Variants in ENTPD7 observed in about 807,000 individuals in gnomAD.
ENTPD7 encodes the protein NTPDase 7.
Under a neutral mutation model 77.9 loss-of-function variants are expected in ENTPD7, and 53 were observed. The ratio of observed to expected loss-of-function variants is 0.68; its 90% CI spans 0.55 to 0.85. The LOEUF (loss-of-function observed/expected upper bound fraction) is 0.85. Ranked by LOEUF, ENTPD7 falls within the 40% of genes least tolerant of loss-of-function variation. ENTPD7 has a pLI of 0.00. For missense variants in ENTPD7, 636 were observed against 743.7 expected, an observed-to-expected ratio of 0.86 and a Z score of 1.68; for synonymous variants, 248 against 274.9, an observed-to-expected ratio of 0.90 and a Z score of 0.97.
Position 99,708,604 on chromosome 10 carries a change from T to G in ENTPD7, c.*3921T>G, listed in dbSNP as rs947299904. On this transcript the variant is annotated 3_prime_UTR_variant, in exon 13 of 13. Coordinates refer to ENST00000370489, the MANE Select transcript of ENTPD7 (RefSeq NM_020354.5). Reference sequence around the variant, plus strand: ...TCATATGATTTTGGGAAGAGCATTTTGTCCTTTGGTTTAGAAGACCAGGCT... The same window carrying G: ...TCATATGATTTTGGGAAGAGCATTTGGTCCTTTGGTTTAGAAGACCAGGCT... 1 of 155,434 alleles carries G rather than the reference T, an allele frequency of 6.4e-6. No individual in the cohort carries two copies. The highest frequency in any genetic ancestry group is 1.4e-5 in the Non-Finnish European group (1 of 70,966). 9.6% of individuals were successfully genotyped at this position (155,434 alleles called of 1,614,324 possible).
chr10:99,661,483 T>C lies in ENTPD7; in HGVS notation c.46T>C (p.Phe16Leu), dbSNP rs1325261360. 1 of 1,611,926 alleles carries C rather than the reference T, an allele frequency of 6.2e-7. No individual in the cohort carries two copies. Among genetic ancestry groups the C allele is most frequent in the Admixed American group, 1.7e-5 (1 of 59,516 alleles). The change falls in exon 3 of 13, where the codon TTC (phenylalanine) becomes CTC (leucine). Residue 16 changes from phenylalanine (F) to leucine (L), a missense_variant. Transcript: ENST00000370489. Reference protein sequence around the residue: ...FSYLCPASWYFTVPTVSPFLR... With the variant: ...FSYLCPASWYLTVPTVSPFLR... ...CTACCTCTGCCCAGCCTCCTGGTACTTCACTGTGCCCACAGTGAGTCCATT... is the reference window on the plus strand; with the variant it reads ...CTACCTCTGCCCAGCCTCCTGGTACCTCACTGTGCCCACAGTGAGTCCATT...
In ENTPD7 at chr10:99,665,013, G is replaced by A. The variant is rs189388477; in HGVS notation, c.191+3385G>A. On this transcript the variant is annotated intron_variant, in intron 3 of 12. Coordinates refer to ENST00000370489, the MANE Select transcript of ENTPD7 (RefSeq NM_020354.5). ...CGCCTGTAATCTCAGCACTTTGGGA[G>A]GCGGAGGCAGGTGGATTGCACGAGC... Among the ~76,000 whole-genome samples, 26 of 152,056 alleles carry A rather than the reference G, an allele frequency of 1.7e-4. No homozygotes were observed. In the East Asian group the frequency reaches 4.9e-3, roughly 29 times the overall value.
intron 3 of ENTPD7, among the ~76,000 whole-genome samples, chr10:99,670,126 A>G (rs115783202): frequency 0.014 from 2,116 of 152,292 alleles, 55 homozygotes; most frequent in African/African-American, 0.048. Flanking sequence ...CAGACTCAAT[A>G]CATATCTTAT....
chr10:99,674,139 G>A (rs1248598834), intron 3 of ENTPD7, among the ~76,000 whole-genome samples: 2 of 152,194 alleles, frequency 1.3e-5, no homozygotes, highest in African/African-American at 4.8e-5. Flanking sequence ...CAAGGAGACA[G>A]GAGAGGGGAA....
rs1256092291 is a variant in ENTPD7 at position 99,695,979 on chromosome 10, G to A, written c.867G>A (p.Leu289=). 1 of 1,613,522 alleles carries A rather than the reference G, an allele frequency of 6.2e-7. No homozygotes were observed. The highest frequency in any genetic ancestry group is 1.3e-5 in the African/African-American group (1 of 74,906). ...AGGAAGAAGCTGCCAAGATCCTGCT[G>A]GCTGAGTTCAACCTGGGCTGTGATG... ...AKQEEAAKIL[L]AEFNLGCDVQ... Residue 289 remains leucine, a synonymous_variant, in exon 9 of 13, where the codon CTG becomes CTA. Coordinates refer to ENST00000370489, the MANE Select transcript of ENTPD7 (RefSeq NM_020354.5).
intron 5 of ENTPD7, among the ~76,000 whole-genome samples, chr10:99,682,314 A>T (rs1017372312): frequency 6.6e-6 from 1 of 152,190 alleles, no homozygotes; most frequent in Non-Finnish European, 1.5e-5. Flanking sequence ...TATGTCAGAC[A>T]TGTAGACAAC....
rs1372303520 is a variant in ENTPD7, at chr10:99,688,058, G to GA, written c.653-633dup. Reference sequence around the variant, plus strand: ...CCTAAGGTTAGAGAGAACAAAATAAGAAAGAAAAAAAAAGCAGGAGATTTC... The same window carrying GA: ...CCTAAGGTTAGAGAGAACAAAATAAGAAAAGAAAAAAAAAGCAGGAGATTTC... On this transcript the variant is annotated intron_variant, in intron 6 of 12. Transcript: ENST00000370489. 3.2e-3 allele frequency among the ~76,000 whole-genome samples: 480 copies of GA among 151,524 alleles called. 3 individuals are homozygous for GA. Among genetic ancestry groups the GA allele is most frequent in the African/African-American group, 0.011 (459 of 41,380 alleles).
In ENTPD7 at chr10:99,685,850, C is replaced by T. The variant is rs200454165; in HGVS notation, c.607C>T (p.Leu203Phe). The T allele has an allele frequency of 6.2e-7, 1 of 1,613,900 alleles. No homozygotes were observed. Among genetic ancestry groups the T allele is most frequent in the African/African-American group, 1.3e-5 (1 of 74,966 alleles). Residue 203 changes from leucine (L) to phenylalanine (F), a missense_variant, in exon 6 of 13, where the codon CTC (leucine) becomes TTC (phenylalanine). Leu to Phe is a conservative substitution (Grantham distance 22). Coordinates refer to ENST00000370489, the MANE Select transcript of ENTPD7 (RefSeq NM_020354.5). ...VKDLPLEFDFLFSQSQAEVIS... is the reference protein window; with the variant it reads ...VKDLPLEFDFFFSQSQAEVIS... ...AGATTTACCACTGGAGTTTGACTTC[C>T]TCTTTTCACAGTCTCAAGCAGAAGT...
intron 5 of ENTPD7, among the ~76,000 whole-genome samples, chr10:99,683,404 C>T (rs1181242515): frequency 6.6e-6 from 1 of 152,030 alleles, no homozygotes; most frequent in Non-Finnish European, 1.5e-5. Context: ...TTCTACCTCC[C>T]TTTTATTTTG....
At chr10:99,684,634 G>T (rs2035790817) in intron 5 of ENTPD7, among the ~76,000 whole-genome samples, 1 of 152,162 alleles carries the variant, frequency 6.6e-6, no homozygotes, top group South Asian at 2.1e-4. Context: ...TCATCAAGTA[G>T]TACTGACAAC....
intron 3 of ENTPD7, among the ~76,000 whole-genome samples, chr10:99,672,673 A>C (rs2035631333): frequency 6.6e-6 from 1 of 152,174 alleles, no homozygotes; most frequent in South Asian, 2.1e-4. Flanking sequence ...TGCTCTGATT[A>C]ATCTTGTTAG....
At chr10:99,667,531 A>G (rs1315946160) in intron 3 of ENTPD7, among the ~76,000 whole-genome samples, 2 of 152,254 alleles carry the variant, frequency 1.3e-5, no homozygotes, top group Non-Finnish European at 2.9e-5. Flanking sequence ...TCAGAAATTA[A>G]ACAGAAGAAG....
Position 99,661,409 on chromosome 10 carries a change from AAATGTTTCAGACTTACT to A in ENTPD7, c.9-29_9-13del, listed in dbSNP as rs755584043. 293 of 1,549,904 alleles carry A rather than the reference AAATGTTTCAGACTTACT, an allele frequency of 1.9e-4. 1 individual carries two copies. Among genetic ancestry groups the A allele is most frequent in the Admixed American group, 1.1e-3 (54 of 50,106 alleles). On this transcript the variant is annotated intron_variant, in intron 2 of 12. Transcript: ENST00000370489. ...ACGATATTTAAGCACTCAGTTGTAG[AAATGTTTCAGACTTACT>A]AATGTTTGTCTAATTTCAGGATCAG...
At chr10:99,683,643 G>A (rs368877596) in intron 5 of ENTPD7, among the ~76,000 whole-genome samples, 5 of 152,112 alleles carry the variant, frequency 3.3e-5, no homozygotes, top group African/African-American at 1.2e-4. Flanking sequence ...GCTTTATCCT[G>A]TCACTATGTA....
intron 3 of ENTPD7, among the ~76,000 whole-genome samples, chr10:99,672,004 T>C (rs1235610001): frequency 6.6e-6 from 1 of 152,204 alleles, no homozygotes; most frequent in African/African-American, 2.4e-5. Context: ...TTATGTGCAA[T>C]AGAACAGTTC....
At chr10:99,663,850 C>T (rs1416290988) in intron 3 of ENTPD7, among the ~76,000 whole-genome samples, 1 of 152,134 alleles carries the variant, frequency 6.6e-6, no homozygotes, top group African/African-American at 2.4e-5. Flanking sequence ...TCCATTACTT[C>T]TTCAGATTTT....
rs2036346780 is a variant in ENTPD7 at position 99,710,483 on chromosome 10, AT to A, written c.*5802del. 1 of 985,270 alleles carries A rather than the reference AT, an allele frequency of 1.0e-6. No homozygotes were observed. The highest frequency in any genetic ancestry group is 4.7e-5 in the South Asian group (1 of 21,292). The allele number at this position is 985,270 out of a possible 1,614,324, so 61.0% of individuals were successfully genotyped here. A position where few individuals can be genotyped will look rare whatever the true frequency, so the allele number is the denominator to read the frequency against. ...AAAAACCAAAGGCTGCCTGTATTAC[AT>A]TGCTTTGGGGAGTTGTTAAGACTCT... On this transcript the variant is annotated 3_prime_UTR_variant, in exon 13 of 13. Transcript: ENST00000370489.
intron 11 of ENTPD7, among the ~76,000 whole-genome samples, chr10:99,702,058 CAA>C (rs1177136490): frequency 1.3e-5 from 2 of 151,258 alleles, no homozygotes; most frequent in Non-Finnish European, 3.0e-5. Flanking sequence ...CAAAAAAAAA[CAA>C]AAATTGTTTT....
intron 2 of ENTPD7, among the ~76,000 whole-genome samples, chr10:99,660,717 G>A (rs2035472811): frequency 6.6e-6 from 1 of 152,146 alleles, no homozygotes; most frequent in African/African-American, 2.4e-5. Context: ...CTGAGGTCAG[G>A]AGTTCAGGAC....
Sources: gnomAD v4.1 joint callset for allele counts (sites outside exome capture counted in the v4.1 genomes callset) on GRCh38, gnomAD v4.1.1 for gene constraint, MANE v1.5 for transcripts, NCBI Gene and HGNC (gene_info 2026-07-23, HGNC 2026-07-21) for gene names.